Variants in MYL4 observed in about 807,000 individuals in gnomAD.
MYL4 encodes the protein atrial myosin light chain 1.
A neutral mutation model predicts 21.6 loss-of-function variants in MYL4; 16 were observed. The observed-to-expected ratio is 0.74, with a 90% CI of 0.50 to 1.12. The LOEUF (loss-of-function observed/expected upper bound fraction) is 1.12. MYL4 is among the 50% of genes most tolerant of loss of function. MYL4 has a pLI of 0.00. For synonymous variants in MYL4, 82 were observed against 95.7 expected (o/e 0.86, Z 0.83); for missense variants, 249 against 252.9 (o/e 0.98, Z 0.11).
chr17:47,200,740 A>G (rs1374798343), intron 1 of MYL4, among the ~76,000 whole-genome samples: 1 of 152,226 alleles, frequency 6.6e-6, no homozygotes, highest in East Asian at 1.9e-4. Flanking sequence ...CAGTTCACAC[A>G]TATGTCACTA....
At chr17:47,220,452 G>A (rs773448156) in intron 3 of MYL4, among the ~76,000 whole-genome samples, 1 of 152,222 alleles carries the variant, frequency 6.6e-6, no homozygotes, top group Non-Finnish European at 1.5e-5. Flanking sequence ...GCCATCGCGA[G>A]CTGTATTACA....
rs2064869167 is a variant in MYL4 at position 47,223,121 on chromosome 17, T to C, written c.*15+64T>C. ...ACATAGGGCCTTAAGAATAACACCA[T>C]GTGCCCTAGAAGGCATCTGTCCCAG... On this transcript the variant is annotated intron_variant, in intron 6 of 6. Transcript: ENST00000393450. 5.8e-6 allele frequency: 9 copies of C among 1,558,176 alleles called. No individual in the cohort carries two copies. In the South Asian group the frequency reaches 9.0e-5, roughly 15 times the overall value.
upstream of MYL4, chr17:47,208,955 C>T (rs935401546): frequency 1.0e-5 from 2 of 192,190 alleles, no homozygotes; most frequent in South Asian, 9.6e-5. Flanking sequence ...AGGATCTTGG[C>T]TTAGAAGGAA....
At chr17:47,205,486 C>G (rs760429145), upstream of MYL4, among the ~76,000 whole-genome samples, 6 of 152,210 alleles carry the variant, frequency 3.9e-5, no homozygotes, top group Non-Finnish European at 7.3e-5. Flanking sequence ...AGCTCGGACT[C>G]CAGTTACTGG....
At chr17:47,209,035 G>A (rs886285573), upstream of MYL4, 28 of 310,284 alleles carry the variant, frequency 9.0e-5, no homozygotes, top group Middle Eastern at 1.0e-3. Context: ...TTTGTGTGAG[G>A]CTTATCAACT....
At chr17:47,213,185 T>A (rs2064788670) in intron 1 of MYL4, among the ~76,000 whole-genome samples, 1 of 152,132 alleles carries the variant, frequency 6.6e-6, no homozygotes, top group African/African-American at 2.4e-5. Flanking sequence ...CCCGGAGGCA[T>A]TACAATAGGC....
In MYL4 at chr17:47,209,369, GTC is replaced by G; in HGVS notation, c.-49_-48del. ...TCCTATCTCATCTCCCAGACGCCACGTCTCTCGGTTTCTTCTTAGATCACTCC... is the reference window on the plus strand; with the variant it reads ...TCCTATCTCATCTCCCAGACGCCACGTCTCGGTTTCTTCTTAGATCACTCC... On this transcript the variant is annotated 5_prime_UTR_variant, in exon 1 of 7. Coordinates refer to ENST00000393450, the MANE Select transcript of MYL4 (RefSeq NM_002476.2). The G allele has an allele frequency of 3.1e-6, 5 of 1,612,854 alleles. No individual in the cohort carries two copies. Among genetic ancestry groups the G allele is most frequent in the Non-Finnish European group, 4.2e-6 (5 of 1,179,428 alleles).
upstream of MYL4, chr17:47,209,034 G>C (rs2064751366): frequency 3.3e-6 from 1 of 299,972 alleles, no homozygotes. Context: ...CTTTGTGTGA[G>C]GCTTATCAAC....
upstream of MYL4, among the ~76,000 whole-genome samples, chr17:47,197,159 C>T (rs975717481): frequency 1.4e-4 from 20 of 138,282 alleles, no homozygotes; most frequent in Non-Finnish European, 2.6e-4. Context: ...AGTGCAGTGG[C>T]GCTATCTCGG....
In MYL4 at chr17:47,223,502, C is replaced by A. The variant is rs1213709529; in HGVS notation, c.*16-7C>A. 2 of 159,584 alleles carry A rather than the reference C, an allele frequency of 1.3e-5. No homozygotes were observed. The highest frequency in any genetic ancestry group is 2.4e-5 in the African/African-American group (1 of 41,612). 9.9% of individuals were successfully genotyped at this position (159,584 alleles called of 1,614,324 possible). The stretch of plus-strand genomic sequence containing the variant: ...AAATGCCCTTTCCTCCTAGCACTTT[C>A]TTTCAGGTGCCTGGCCCTTGGCTTT... On this transcript the variant is annotated splice_region_variant and splice_polypyrimidine_tract_variant and intron_variant, in intron 6 of 6. Transcript: ENST00000393450.
intron 2 of MYL4, 158 bp downstream of exon 2, chr17:47,213,984 AG>A: frequency 1.2e-6 from 1 of 821,264 alleles, no homozygotes; most frequent in Non-Finnish European, 2.1e-6. Flanking sequence ...TGTCAGGCAT[AG>A]TCCTAGGCAC....
At chr17:47,204,429 A>T (rs2064719930), upstream of MYL4, among the ~76,000 whole-genome samples, 1 of 152,178 alleles carries the variant, frequency 6.6e-6, no homozygotes, top group Non-Finnish European at 1.5e-5. Flanking sequence ...TTCCATCAGG[A>T]TCCAAGCTTA....
At chr17:47,201,541 G>A (rs1224745447) in intron 1 of MYL4, among the ~76,000 whole-genome samples, 2 of 150,940 alleles carry the variant, frequency 1.3e-5, no homozygotes, top group African/African-American at 4.9e-5. Flanking sequence ...TGCAACCTCC[G>A]CCTCTCCCAG....
At chr17:47,192,604 C>A in the MYL4 span, among the ~76,000 whole-genome samples, 23 of 150,692 alleles carry the variant, frequency 1.5e-4, no homozygotes, top group Non-Finnish European at 2.4e-4. Flanking sequence ...GAGCTGAGAT[C>A]GGGCCACTGC....
chr17:47,205,617 G>T (rs1170571968), upstream of MYL4, among the ~76,000 whole-genome samples: 1 of 152,172 alleles, frequency 6.6e-6, no homozygotes, highest in Non-Finnish European at 1.5e-5. Flanking sequence ...TTTCTGAAGT[G>T]CCAGGCACTT....
chr17:47,195,524 C>T (rs1335473834), upstream of MYL4, among the ~76,000 whole-genome samples: 1 of 151,998 alleles, frequency 6.6e-6, no homozygotes, highest in Non-Finnish European at 1.5e-5. Flanking sequence ...CCACCGTGCC[C>T]AGCCAAGTAT....
the MYL4 span, among the ~76,000 whole-genome samples, chr17:47,192,586 C>T: frequency 6.8e-6 from 1 of 147,262 alleles, no homozygotes; most frequent in African/African-American, 2.5e-5. Flanking sequence ...GGAGGCGGAG[C>T]TTGCGGTGAG....
chr17:47,222,000 C>A, intron 4 of MYL4, 145 bp downstream of exon 4: 1 of 972,200 alleles, frequency 1.0e-6, no homozygotes, highest in African/African-American at 1.6e-5. Flanking sequence ...GCCCTGTCTC[C>A]CTGGGCTCTG....
At chr17:47,214,306 C>G (rs904693988) in intron 2 of MYL4, among the ~76,000 whole-genome samples, 2 of 152,164 alleles carry the variant, frequency 1.3e-5, no homozygotes, top group Non-Finnish European at 2.9e-5. Context: ...TATTGGAAAG[C>G]CCTCCTTAGT....
Sources: allele counts gnomAD v4.1 joint callset (sites outside exome capture counted in the v4.1 genomes callset), GRCh38; gene constraint gnomAD v4.1.1; transcripts MANE v1.5; gene names NCBI Gene and HGNC (gene_info 2026-07-23, HGNC 2026-07-21).